The following ATXN7L1 variants were observed in gnomAD, a reference collection of about 807,000 sequenced individuals.
ATXN7L1 encodes the protein ataxin-7-like protein 1.
ATXN7L1 carries 15 observed loss-of-function variants against 70.8 expected under a neutral mutation model. The observed-to-expected ratio is 0.21, with a 90% CI of 0.14 to 0.33. ATXN7L1 has a LOEUF of 0.33. ATXN7L1 is among the 10% of genes least tolerant of loss of function. The probability of loss-of-function intolerance (pLI) is 1.00; values close to 1 mark genes in which losing one functional copy is unlikely to be tolerated. For missense variants in ATXN7L1, 975 were observed against 1,097.1 expected (o/e 0.89, Z 1.57); for synonymous variants, 440 against 445.1 (o/e 0.99, Z 0.14).
chr7:105,642,895 C>T lies in ATXN7L1; in HGVS notation c.805G>A (p.Asp269Asn). The T allele has an allele frequency of 1.9e-6, 3 of 1,551,736 alleles. No individual in the cohort carries two copies. Among genetic ancestry groups the T allele is most frequent in the Non-Finnish European group, 2.6e-6 (3 of 1,147,010 alleles). The change falls in exon 5 of 12, where the codon GAC becomes AAC. Residue 269 changes from aspartate to asparagine, a missense_variant. Around this residue, in one of 5 missense-constraint regions of ATXN7L1, gnomAD observed 192 missense variants for 215.5 expected, o/e 0.89. Transcript: ENST00000419735. The stretch of plus-strand genomic sequence containing the variant: ...TTGGTGCCATTTTGGTGTTTCTTGT[C>T]TATGGTGGTTGGCAGAATTCCTTTG... ...NGKGILPTTI[D>N]KKHQNGTKNS...
intron 3 of ATXN7L1, among the ~76,000 whole-genome samples, chr7:105,680,549 G>T (rs1027688848): frequency 1.3e-5 from 2 of 152,310 alleles, no homozygotes; most frequent in African/African-American, 4.8e-5. Context: ...GGGGTGTTGA[G>T]GGGGTATAAA....
At chr7:105,704,322 A>C (rs1792853740) in intron 3 of ATXN7L1, among the ~76,000 whole-genome samples, 2 of 152,238 alleles carry the variant, frequency 1.3e-5, no homozygotes, top group African/African-American at 4.8e-5. Flanking sequence ...GAATAAAATA[A>C]GAAAGAATTT....
intron 3 of ATXN7L1, among the ~76,000 whole-genome samples, chr7:105,687,404 T>C (rs1185048054): frequency 1.3e-5 from 2 of 152,160 alleles, no homozygotes; most frequent in African/African-American, 4.8e-5. Context: ...TAAGTTAAAA[T>C]GAGGCCATTA....
At chr7:105,817,558 G>T (rs970824023) in intron 2 of ATXN7L1, among the ~76,000 whole-genome samples, 2 of 151,944 alleles carry the variant, frequency 1.3e-5, no homozygotes, top group Non-Finnish European at 2.9e-5. Flanking sequence ...TATCTGGATC[G>T]GTCTGTCTCT....
At chr7:105,759,563 G>A (rs896962711) in intron 3 of ATXN7L1, among the ~76,000 whole-genome samples, 2 of 151,210 alleles carry the variant, frequency 1.3e-5, no homozygotes, top group Non-Finnish European at 2.9e-5. Context: ...AGAGAGACAG[G>A]AAAATGCTCA....
chr7:105,663,254 C>A (rs542249222), intron 4 of ATXN7L1, among the ~76,000 whole-genome samples: 6 of 152,198 alleles, frequency 3.9e-5, no homozygotes, highest in Non-Finnish European at 7.3e-5. Context: ...AGGATGGACC[C>A]GCAATCCCAA....
At chr7:105,841,632 G>C (rs1040952367) in intron 2 of ATXN7L1, among the ~76,000 whole-genome samples, 4 of 152,004 alleles carry the variant, frequency 2.6e-5, no homozygotes, top group Admixed American at 6.5e-5. Context: ...GTGGCATCTC[G>C]GTGCTTGCAT....
chr7:105,761,389 G>A (rs1800520020), intron 3 of ATXN7L1: 1 of 1,614,004 alleles, frequency 6.2e-7, no homozygotes, highest in African/African-American at 1.3e-5. Flanking sequence ...CACACCTGAT[G>A]CTTCTCTATG....
chr7:105,699,551 C>T (rs1044272804), intron 3 of ATXN7L1, among the ~76,000 whole-genome samples: 6 of 152,186 alleles, frequency 3.9e-5, no homozygotes, highest in Non-Finnish European at 8.8e-5. Flanking sequence ...TTAGAGCCTA[C>T]GACTGCAGCT....
intron 2 of ATXN7L1, among the ~76,000 whole-genome samples, chr7:105,816,711 G>A (rs1207088592): frequency 6.6e-6 from 1 of 152,204 alleles, no homozygotes; most frequent in Non-Finnish European, 1.5e-5. Flanking sequence ...GCTGGGAGCT[G>A]GAATGCTCTG....
rs373437357 is a variant in ATXN7L1 at position 105,802,507 on chromosome 7, G to A, written c.251-13799C>T. ...TTCCTTTAAATTCCTCCCCTCAGCA[G>A]TCAGGTGAGTCAGGGAAAATTCAAT... On this transcript the variant is annotated intron_variant, in intron 2 of 11. Transcript: ENST00000419735. 7.2e-5 allele frequency among the ~76,000 whole-genome samples: 11 copies of A among 152,294 alleles called. No individual in the cohort carries two copies. In the East Asian group the frequency reaches 2.1e-3, roughly 29 times the overall value.
chr7:105,639,031 T>A (rs1797771774), intron 6 of ATXN7L1, among the ~76,000 whole-genome samples: 1 of 152,046 alleles, frequency 6.6e-6, no homozygotes, highest in African/African-American at 2.4e-5. Flanking sequence ...ATACAGGGCT[T>A]TGGGCGACCC....
At chr7:105,712,121 T>C (rs1358830409) in intron 3 of ATXN7L1, among the ~76,000 whole-genome samples, 2 of 152,244 alleles carry the variant, frequency 1.3e-5, no homozygotes, top group Admixed American at 6.5e-5. Flanking sequence ...TGGCCCCTTT[T>C]AGCTGTGGCT....
intron 2 of ATXN7L1, among the ~76,000 whole-genome samples, chr7:105,868,227 T>C (rs2116671947): frequency 6.6e-6 from 1 of 152,276 alleles, no homozygotes; most frequent in East Asian, 1.9e-4. Flanking sequence ...CCCCCCACCA[T>C]GACCTCCAGC....
At position 105,796,342 on chromosome 7, in the gene ATXN7L1, C is replaced by T. The variant is rs999237161; in HGVS notation, c.251-7634G>A. ...GCGCCACTGTAATCCAGCCTGGCAACACAGCAAGACTCTGTCTCAAAAATA... is the reference window on the plus strand; with the variant it reads ...GCGCCACTGTAATCCAGCCTGGCAATACAGCAAGACTCTGTCTCAAAAATA... On this transcript the variant is annotated intron_variant, in intron 2 of 11. Coordinates refer to ENST00000419735, the MANE Select transcript of ATXN7L1 (RefSeq NM_020725.2). Among the ~76,000 whole-genome samples the T allele has an allele frequency of 2.6e-5, 4 of 152,236 alleles. No individual in the cohort carries two copies. In the South Asian group the frequency reaches 6.2e-4, roughly 24 times the overall value.
At chr7:105,621,894 T>TGG (rs35729467) in intron 8 of ATXN7L1, among the ~76,000 whole-genome samples, 2 of 152,044 alleles carry the variant, frequency 1.3e-5, no homozygotes, top group Admixed American at 6.6e-5. Context: ...ATTGGTGTTT[T>TGG]GGGGGGTTTC....
chr7:105,829,008 T>C (rs1811230288), intron 2 of ATXN7L1, among the ~76,000 whole-genome samples: 1 of 152,216 alleles, frequency 6.6e-6, no homozygotes, highest in African/African-American at 2.4e-5. Flanking sequence ...TAAGCAGTCT[T>C]ATTTGCTTTT....
At position 105,674,543 on chromosome 7, in the gene ATXN7L1, C is replaced by T. The variant is rs539849632; in HGVS notation, c.356-9255G>A. 1.6e-3 allele frequency among the ~76,000 whole-genome samples: 243 copies of T among 152,248 alleles called. 3 individuals are homozygous for T. Among genetic ancestry groups the T allele is most frequent in the Non-Finnish European group, 2.5e-3 (172 of 68,010 alleles). On this transcript the variant is annotated intron_variant, in intron 3 of 11. Transcript: ENST00000419735. The stretch of plus-strand genomic sequence containing the variant: ...AGATTGTGAAACAAGACCAAGGTCA[C>T]GCAGACCTCAGCAGCTGGCAGGAAA...
chr7:105,617,905 G>A (rs776664482), intron 9 of ATXN7L1: 35 of 456,482 alleles, frequency 7.7e-5, no homozygotes, highest in South Asian at 5.1e-4. Flanking sequence ...CGCCCCCATC[G>A]GCTGCCATCC....
Sources: allele counts gnomAD v4.1 joint callset (sites outside exome capture counted in the v4.1 genomes callset), GRCh38; gene constraint gnomAD v4.1.1; regional missense constraint gnomAD v4.1.1; transcripts MANE v1.5; gene names NCBI Gene and HGNC (gene_info 2026-07-23, HGNC 2026-07-21).